KMT5B: variants seen among roughly 807,000 people sequenced by gnomAD.
The protein encoded by KMT5B is histone-lysine N-methyltransferase KMT5B.
KMT5B carries 10 observed loss-of-function variants against 83.2 expected under a neutral mutation model. The ratio of observed to expected loss-of-function variants is 0.12; its 90% CI spans 0.07 to 0.20. KMT5B has a LOEUF of 0.20. KMT5B is among the 10% of genes least tolerant of loss of function. The probability of loss-of-function intolerance (pLI) is 1.00; values close to 1 mark genes in which losing one functional copy is unlikely to be tolerated. For missense variants in KMT5B, 753 were observed against 1,067.2 expected (o/e 0.71, Z 4.10); for synonymous variants, 349 against 388.8 (o/e 0.90, Z 1.20).
intron 3 of KMT5B, among the ~76,000 whole-genome samples, 193 bp from the exon 4 acceptor site, chr11:68,180,393 A>C (rs1856807821): frequency 6.6e-6 from 1 of 152,232 alleles, no homozygotes; most frequent in Non-Finnish European, 1.5e-5. Context: ...TGCTTCCCAT[A>C]GAACACACCT....
At chr11:68,210,849 G>A (rs575882263) in intron 1 of KMT5B, among the ~76,000 whole-genome samples, 38 of 152,290 alleles carry the variant, frequency 2.5e-4, no homozygotes, top group African/African-American at 8.2e-4. Flanking sequence ...GACATAGTCG[G>A]GGAACTCCTG....
At chr11:68,211,500 T>C (rs773748429) in intron 1 of KMT5B, among the ~76,000 whole-genome samples, 1 of 152,238 alleles carries the variant, frequency 6.6e-6, no homozygotes, top group Non-Finnish European at 1.5e-5. Flanking sequence ...AGTGGATTTA[T>C]TTTGAAAAAC....
At chr11:68,196,964 G>A (rs1199647704) in intron 1 of KMT5B, among the ~76,000 whole-genome samples, 1 of 151,898 alleles carries the variant, frequency 6.6e-6, no homozygotes, top group African/African-American at 2.4e-5. Context: ...GTTATCCATG[G>A]AGAGTCTTTT....
At chr11:68,167,819 C>T (rs1855458734) in intron 9 of KMT5B, among the ~76,000 whole-genome samples, 1 of 152,142 alleles carries the variant, frequency 6.6e-6, no homozygotes, top group Non-Finnish European at 1.5e-5. Context: ...GTCCCACTAG[C>T]ATGGTGTGAG....
intron 1 of KMT5B, 71 bp from the exon 2 acceptor site, chr11:68,190,223 A>G (rs997311892): frequency 1.5e-6 from 1 of 685,074 alleles, no homozygotes. Context: ...TGCTAAACAG[A>G]CCCTTGAGAA....
chr11:68,169,793 A>T (rs1855669241), intron 9 of KMT5B, among the ~76,000 whole-genome samples: 1 of 152,264 alleles, frequency 6.6e-6, no homozygotes, highest in Non-Finnish European at 1.5e-5. Flanking sequence ...TTGAAGAATT[A>T]TTGAACTATA....
At chr11:68,211,606 G>A (rs1315355914) in intron 1 of KMT5B, among the ~76,000 whole-genome samples, 2 of 152,174 alleles carry the variant, frequency 1.3e-5, no homozygotes, top group Non-Finnish European at 2.9e-5. Context: ...CCCGTGGGCG[G>A]ACGAGATAAC....
At chr11:68,161,761 C>T (rs749735633) in intron 10 of KMT5B, among the ~76,000 whole-genome samples, 2 of 152,168 alleles carry the variant, frequency 1.3e-5, no homozygotes, top group Non-Finnish European at 1.5e-5. Context: ...CCTCCTTCAT[C>T]GGCCCCTTAG....
intron 6 of KMT5B, among the ~76,000 whole-genome samples, chr11:68,172,468 G>T (rs751596588): frequency 1.3e-5 from 2 of 151,416 alleles, no homozygotes. Context: ...ATTTCTTGAC[G>T]TCATGATCCG....
chr11:68,173,929 A>AT lies in KMT5B; in HGVS notation c.544-17_544-16insA. The stretch of plus-strand genomic sequence containing the variant: ...AAATAAATACCTAAAACAGGAAAAA[A>AT]AAATTGATAATGACTTTAAATGGTA... On this transcript the variant is annotated splice_polypyrimidine_tract_variant and intron_variant, in intron 5 of 10. Coordinates refer to ENST00000304363, the MANE Select transcript of KMT5B (RefSeq NM_017635.5). 6.5e-7 allele frequency: 1 copy of AT among 1,527,176 alleles called. No homozygotes were observed. Among genetic ancestry groups the AT allele is most frequent in the Non-Finnish European group, 9.0e-7 (1 of 1,110,022 alleles). 94.6% of individuals were successfully genotyped at this position (1,527,176 alleles called of 1,614,324 possible). A position where few individuals can be genotyped will look rare whatever the true frequency, so the allele number is the denominator to read the frequency against.
intron 6 of KMT5B, among the ~76,000 whole-genome samples, chr11:68,172,502 T>A (rs761757648): frequency 1.3e-5 from 2 of 152,120 alleles, no homozygotes; most frequent in African/African-American, 2.4e-5. Context: ...CCCAAAGTGC[T>A]GGGATTACAG....
intron 1 of KMT5B, among the ~76,000 whole-genome samples, chr11:68,194,191 T>A (rs982822368): frequency 6.9e-6 from 1 of 144,572 alleles, no homozygotes. Context: ...AGTACCAAGT[T>A]TTTTTTTTTT....
At chr11:68,182,377 T>G (rs192934973) in intron 3 of KMT5B, among the ~76,000 whole-genome samples, 1 of 152,224 alleles carries the variant, frequency 6.6e-6, no homozygotes, top group South Asian at 2.1e-4. Context: ...AGAGCCTGCA[T>G]TTCAACAAAC....
At chr11:68,202,163 T>C (rs1189667870) in intron 1 of KMT5B, among the ~76,000 whole-genome samples, 2 of 152,216 alleles carry the variant, frequency 1.3e-5, no homozygotes, top group East Asian at 3.8e-4. Flanking sequence ...GATTTAGTTA[T>C]AATTTGGTAA....
Position 68,171,388 on chromosome 11 carries a change from G to A in KMT5B, c.821-137C>T. 1 of 1,226,086 alleles carries A rather than the reference G, an allele frequency of 8.2e-7. No individual in the cohort carries two copies. Among genetic ancestry groups the A allele is most frequent in the Non-Finnish European group, 1.2e-6 (1 of 869,076 alleles). 76.0% of individuals were successfully genotyped at this position (1,226,086 alleles called of 1,614,324 possible). On this transcript the variant is annotated intron_variant, in intron 7 of 10. Transcript: ENST00000304363. This position sits in a 1 kb window ranked among gnomAD's most constrained non-coding sequence, Gnocchi z 5.1. Reference sequence around the variant, plus strand: ...AGTTTAGGTCTCAAGTTCAACTAAAGGAATATACATTTATTTTAATAAGTT... The same window carrying A: ...AGTTTAGGTCTCAAGTTCAACTAAAAGAATATACATTTATTTTAATAAGTT...
intron 1 of KMT5B, among the ~76,000 whole-genome samples, chr11:68,206,245 G>A (rs1860094920): frequency 6.6e-6 from 1 of 152,190 alleles, no homozygotes; most frequent in Non-Finnish European, 1.5e-5. Flanking sequence ...TAAAATCAAG[G>A]ATGCTTTCTT....
At chr11:68,188,306 G>A (rs1291156793) in intron 2 of KMT5B, among the ~76,000 whole-genome samples, 2 of 150,882 alleles carry the variant, frequency 1.3e-5, no homozygotes, top group Non-Finnish European at 2.9e-5. Context: ...TTACAGGCGT[G>A]AGCCACCACG....
intron 6 of KMT5B, among the ~76,000 whole-genome samples, chr11:68,172,396 ATT>A (rs34325630): frequency 7.0e-6 from 1 of 142,594 alleles, no homozygotes; most frequent in African/African-American, 2.6e-5. Context: ...CACCTAGCTC[ATT>A]TTTTTTTTTT....
At chr11:68,201,905 C>T (rs1859483750) in intron 1 of KMT5B, among the ~76,000 whole-genome samples, 1 of 149,794 alleles carries the variant, frequency 6.7e-6, no homozygotes, top group South Asian at 2.1e-4. Context: ...CATGGTCAGA[C>T]CCCAGTCTCT....
Sources: allele counts gnomAD v4.1 joint callset (sites outside exome capture counted in the v4.1 genomes callset), GRCh38; gene constraint gnomAD v4.1.1; non-coding constraint Gnocchi (gnomAD v3.1); transcripts MANE v1.5; gene names NCBI Gene and HGNC (gene_info 2026-07-23, HGNC 2026-07-21).